Variants in PASK observed in about 807,000 individuals in gnomAD.
PASK encodes the protein PAS domain-containing serine/threonine-protein kinase.
In PASK, 110 loss-of-function variants were observed where a neutral mutation model predicts 121.0. The ratio of observed to expected loss-of-function variants is 0.91; its 90% CI spans 0.78 to 1.06. The LOEUF is 1.06. PASK is among the 50% of genes least tolerant of loss of function. The pLI is 0.00. For synonymous variants in PASK, 686 were observed against 717.8 expected (o/e 0.96, Z 0.71); for missense variants, 1,643 against 1,702.3 (o/e 0.97, Z 0.61).
intron 2 of PASK, among the ~76,000 whole-genome samples, chr2:241,142,554 GA>G (rs2066751592): frequency 6.6e-6 from 1 of 152,228 alleles, no homozygotes; most frequent in South Asian, 2.1e-4. Context: ...TCTAAAGTAA[GA>G]AATAACATTT....
intron 14 of PASK, chr2:241,113,921 T>G (rs2065219112): frequency 1.0e-6 from 1 of 983,946 alleles, no homozygotes; most frequent in Non-Finnish European, 1.2e-6. Flanking sequence ...TTTATAAAAT[T>G]GTGCATCTGT....
At chr2:241,150,195 C>G, upstream of PASK, 2 of 1,273,186 alleles carry the variant, frequency 1.6e-6, no homozygotes. Flanking sequence ...TAGACGTCCA[C>G]TCCGTCTGCC....
At chr2:241,126,053 T>C (rs2065843572) in intron 10 of PASK, 143 bp downstream of exon 10, 1 of 783,190 alleles carries the variant, frequency 1.3e-6, no homozygotes, top group Non-Finnish European at 2.1e-6. Context: ...GTGGATGATA[T>C]GCATTCTCCT....
intron 16 of PASK, 86 bp from the exon 17 acceptor site, chr2:241,107,585 C>A (rs565897518): frequency 6.8e-6 from 9 of 1,315,660 alleles, no homozygotes; most frequent in East Asian, 2.3e-5. Flanking sequence ...ACCACCCCCC[C>A]GCAGAGCCTC....
At chr2:241,115,223 A>G (rs1347877317) in intron 13 of PASK, 46 bp from the exon 14 acceptor site, 6 of 1,614,064 alleles carry the variant, frequency 3.7e-6, no homozygotes, top group African/African-American at 1.3e-5. Context: ...AACATCTTCA[A>G]GTCAACAAAT....
rs369488269 is a variant in PASK at position 241,128,861 on chromosome 2, C to CA, written c.1464-1411dup. On this transcript the variant is annotated intron_variant, in intron 9 of 17. Transcript: ENST00000234040. ...GCCTGGGCAATGGCCAAGACCATCTCAAAAAAAAAAAGACGGAAGAGGAAG... is the reference window on the plus strand; with the variant it reads ...GCCTGGGCAATGGCCAAGACCATCTCAAAAAAAAAAAAGACGGAAGAGGAAG... Among the ~76,000 whole-genome samples the CA allele has an allele frequency of 5.1e-3, 732 of 144,448 alleles. 1 individual carries two copies. Among genetic ancestry groups the CA allele is most frequent in the Middle Eastern group, 7.1e-3 (2 of 282 alleles). The allele number at this position is 144,448 out of a possible 152,430, so 94.8% of individuals were successfully genotyped here. A position where few individuals can be genotyped will look rare whatever the true frequency, so the allele number is the denominator to read the frequency against.
At position 241,127,159 on chromosome 2, in the gene PASK, G is replaced by T. The variant is rs756097707; in HGVS notation, c.1756C>A (p.Leu586Ile). The T allele has an allele frequency of 6.2e-7, 1 of 1,614,060 alleles. No homozygotes were observed. The highest frequency in any genetic ancestry group is 1.1e-5 in the South Asian group (1 of 91,090). Residue 586 changes from leucine to isoleucine, a missense_variant, in exon 10 of 18, where the codon CTT becomes ATT. Coordinates refer to ENST00000234040, the MANE Select transcript of PASK (RefSeq NM_015148.4). ...MGVSGPSGSD[L>I]WAGAAVAKPQ... ...TTGGCCACGGCAGCCCCAGCCCAAAGGTCTGAACCGCTGGGACCACTGACT... is the reference window on the plus strand; with the variant it reads ...TTGGCCACGGCAGCCCCAGCCCAAATGTCTGAACCGCTGGGACCACTGACT...
At chr2:241,110,004 C>T (rs1228084599) in intron 15 of PASK, among the ~76,000 whole-genome samples, 4 of 152,172 alleles carry the variant, frequency 2.6e-5, no homozygotes, top group African/African-American at 9.7e-5. Flanking sequence ...TGTTTGCACA[C>T]ACGTTTGTAG....
Position 241,115,409 on chromosome 2 carries a change from A to G in PASK, c.3077T>C (p.Val1026Ala). Residue 1026 changes from valine (V) to alanine (A), a missense_variant, in exon 13 of 18, where the codon GTG (valine) becomes GCG (alanine). Physicochemically the swap from Val to Ala is moderately conservative, Grantham distance 64. Coordinates refer to ENST00000234040, the MANE Select transcript of PASK (RefSeq NM_015148.4). The part of the protein sequence containing the change: ...AVDKEKNKEV[V>A]VKFIKKEKVL... The stretch of plus-strand genomic sequence containing the variant: ...CTTCTCCTTCTTAATAAACTTCACC[A>G]CCACCTGTGAGGAAGACAGAGCGTA... 1 of 1,613,680 alleles carries G rather than the reference A, an allele frequency of 6.2e-7. No individual in the cohort carries two copies. The highest frequency in any genetic ancestry group is 8.5e-7 in the Non-Finnish European group (1 of 1,179,794).
intron 1 of PASK, 89 bp from the exon 2 acceptor site, chr2:241,143,163 C>G: frequency 2.6e-6 from 2 of 761,898 alleles, no homozygotes; most frequent in South Asian, 3.0e-5. Flanking sequence ...GAGTTCAGCT[C>G]GGCCCCAAAA....
rs200120797 is a variant in PASK at position 241,126,955 on chromosome 2, G to A, written c.1960C>T (p.Arg654Ter). Residue 654 changes from arginine to a stop codon, truncating the protein, a stop_gained, in exon 10 of 18, where the codon CGA (arginine) becomes TGA (stop). Coordinates refer to ENST00000234040, the MANE Select transcript of PASK (RefSeq NM_015148.4). LOFTEE classifies it high-confidence loss of function. ...ATCAAGCAGGTCTGCAGCTCTTCTCGGTCGTTTTCCACTCCCAGCCACGGC... is the reference window on the plus strand; with the variant it reads ...ATCAAGCAGGTCTGCAGCTCTTCTCAGTCGTTTTCCACTCCCAGCCACGGC... ...DEPWLGVEND[R>*]EELQTCLIKE... 3.3e-5 allele frequency: 53 copies of A among 1,614,078 alleles called. No homozygotes were observed. Among genetic ancestry groups the A allele is most frequent in the African/African-American group, 1.2e-4 (9 of 74,940 alleles).
At chr2:241,119,976 A>T (rs533913697) in intron 12 of PASK, among the ~76,000 whole-genome samples, 1 of 152,150 alleles carries the variant, frequency 6.6e-6, no homozygotes, top group African/African-American at 2.4e-5. Context: ...GAAAGTCCTT[A>T]CCTCCTATAA....
At chr2:241,139,302 G>A (rs1422364478) in intron 4 of PASK, among the ~76,000 whole-genome samples, 3 of 152,086 alleles carry the variant, frequency 2.0e-5, no homozygotes, top group African/African-American at 4.8e-5. Context: ...GCCCTCCAAC[G>A]CTACTCCCCC....
intron 12 of PASK, among the ~76,000 whole-genome samples, chr2:241,119,171 GTTGATACACA>G (rs1317421483): frequency 6.6e-6 from 1 of 152,252 alleles, no homozygotes; most frequent in Non-Finnish European, 1.5e-5. Context: ...CGATCACCCT[GTTGATACACA>G]TTGTATCTCT....
intron 9 of PASK, among the ~76,000 whole-genome samples, chr2:241,131,714 C>G (rs760579451): frequency 2.0e-5 from 3 of 152,060 alleles, no homozygotes; most frequent in Non-Finnish European, 2.9e-5. Context: ...GGTCCTGGGC[C>G]ACCTGGGCAC....
intron 14 of PASK, chr2:241,114,409 T>G (rs1344699807): frequency 1.0e-6 from 1 of 986,544 alleles, no homozygotes; most frequent in East Asian, 1.1e-4. Context: ...CCAGTTCTTC[T>G]GGGGGAGCTG....
intron 10 of PASK, among the ~76,000 whole-genome samples, chr2:241,124,982 C>A (rs1006729881): frequency 6.7e-6 from 1 of 149,494 alleles, no homozygotes; most frequent in Admixed American, 6.7e-5. Flanking sequence ...CTGGCTAACA[C>A]GGTGAAACCC....
At chr2:241,149,001 C>G (rs369390848) in intron 1 of PASK, among the ~76,000 whole-genome samples, 1 of 152,092 alleles carries the variant, frequency 6.6e-6, no homozygotes, top group Non-Finnish European at 1.5e-5. Context: ...CGGCTGAGCC[C>G]GCAGGGACCC....
chr2:241,117,517 G>A (rs1034176696), intron 12 of PASK, among the ~76,000 whole-genome samples: 10 of 152,354 alleles, frequency 6.6e-5, no homozygotes, highest in African/African-American at 2.2e-4. Context: ...AGTGTCAGGA[G>A]GAGGGAGAAG....
Sources: gnomAD v4.1 joint callset for allele counts (sites outside exome capture counted in the v4.1 genomes callset) on GRCh38, gnomAD v4.1.1 for gene constraint, MANE v1.5 for transcripts, NCBI Gene and HGNC (gene_info 2026-07-23, HGNC 2026-07-21) for gene names.